Variants in DOCK6 observed in about 807,000 individuals in gnomAD.
DOCK6 encodes dedicator of cytokinesis 6, also known as dedicator of cytokinesis protein 6.
Under a neutral mutation model 230.3 loss-of-function variants are expected in DOCK6, and 167 were observed. That is an observed-to-expected ratio of 0.73 (90% confidence interval 0.64 to 0.82). DOCK6 has a LOEUF of 0.82. DOCK6 is among the 40% of genes least tolerant of loss of function. DOCK6 has a pLI of 0.00. For synonymous variants in DOCK6, 1,148 were observed against 1,185.0 expected (o/e 0.97, Z 0.64); for missense variants, 2,598 against 2,825.8 (o/e 0.92, Z 1.83).
In DOCK6 at chr19:11,228,970, G is replaced by A. The variant is rs2079719012; in HGVS notation, c.2784C>T (p.Leu928=). The A allele has an allele frequency of 6.2e-7, 1 of 1,613,732 alleles. No individual in the cohort carries two copies. The highest frequency in any genetic ancestry group is 1.1e-5 in the South Asian group (1 of 91,076). The change falls in exon 23 of 48, where the codon CTC becomes CTT. Residue 928 remains leucine, a synonymous_variant. Transcript: ENST00000294618. ...GCTGGAAGAAGAACCAGGCGTGCTGGAGGATGGCCTCGCGTACGGCACTGC... is the reference window on the plus strand; with the variant it reads ...GCTGGAAGAAGAACCAGGCGTGCTGAAGGATGGCCTCGCGTACGGCACTGC... The part of the protein sequence containing the change: ...VSSSAVREAI[L]QHAWFFFQLM...
In DOCK6 at chr19:11,235,756, T is replaced by TTCAC; in HGVS notation, c.2393-1_2395dup (p.Asn799SerfsTer9). 6.3e-7 allele frequency: 1 copy of TTCAC among 1,588,694 alleles called. No individual in the cohort carries two copies. The highest frequency in any genetic ancestry group is 8.6e-7 in the Non-Finnish European group (1 of 1,166,508). ...TGCTTCAAAGGCTCCACGGCCCAGG[T>TTCAC]TCACTGCAGGGCAGAGCAGAGGTCA... On this transcript the variant is annotated frameshift_variant, in exon 21 of 48. Coordinates refer to ENST00000294618, the MANE Select transcript of DOCK6 (RefSeq NM_020812.4). LOFTEE classifies it high-confidence loss of function.
At chr19:11,219,451 G>A (rs1172250653) in intron 28 of DOCK6, among the ~76,000 whole-genome samples, 2 of 150,944 alleles carry the variant, frequency 1.3e-5, no homozygotes, top group Non-Finnish European at 2.9e-5. Context: ...GCCTCCCAAA[G>A]TGCTGGGACT....
At chr19:11,244,025 T>C (rs2079993954) in intron 9 of DOCK6, 143 bp from the exon 10 acceptor site, 1 of 870,610 alleles carries the variant, frequency 1.1e-6, no homozygotes, top group African/African-American at 1.7e-5. Context: ...CTCCCATGGC[T>C]CCCGCTGTCC....
chr19:11,240,311 C>G, intron 14 of DOCK6: 2 of 1,545,474 alleles, frequency 1.3e-6, no homozygotes, highest in African/African-American at 2.8e-5. Flanking sequence ...GGAGCTCCCC[C>G]AACCCTAGTG....
rs560964864 is a variant in DOCK6 at position 11,235,917 on chromosome 19, G to A, written c.2393-158C>T. On this transcript the variant is annotated intron_variant, in intron 20 of 47. Coordinates refer to ENST00000294618, the MANE Select transcript of DOCK6 (RefSeq NM_020812.4). ...TTTTTTTGAGATGGAGTCTTGCTCT[G>A]TTGCCCGGGCTGGAGTCCAGTGGCA... 2,402 of 988,480 alleles carry A rather than the reference G, an allele frequency of 2.4e-3. 7 individuals carry two copies. Among genetic ancestry groups the A allele is most frequent in the Non-Finnish European group, 2.9e-3 (2,170 of 740,844 alleles). The allele number at this position is 988,480 out of a possible 1,614,324, so 61.2% of individuals were successfully genotyped here.
chr19:11,218,503 A>G (rs2079529454), intron 28 of DOCK6, among the ~76,000 whole-genome samples: 1 of 152,094 alleles, frequency 6.6e-6, no homozygotes, highest in Admixed American at 6.5e-5. Flanking sequence ...GCTGGAGTGC[A>G]GTGGCACAAT....
In DOCK6 at chr19:11,241,501, G is replaced by T. The variant is rs539791974; in HGVS notation, c.1643+544C>A. 3.5e-5 allele frequency: 54 copies of T among 1,552,812 alleles called. No individual in the cohort carries two copies. The East Asian group carries it at 1.2e-3, about 36-fold the overall frequency. On this transcript the variant is annotated intron_variant, in intron 14 of 47. Transcript: ENST00000294618. ...GGGCCCTCACAGGCCACGTGCAGCGGCAGAGGCGGGAGATGGTGGCACAGC... is the reference window on the plus strand; with the variant it reads ...GGGCCCTCACAGGCCACGTGCAGCGTCAGAGGCGGGAGATGGTGGCACAGC...
chr19:11,209,840 C>G (rs1230627572), intron 37 of DOCK6, among the ~76,000 whole-genome samples: 1 of 102,354 alleles, frequency 9.8e-6, no homozygotes, highest in Non-Finnish European at 2.2e-5. Flanking sequence ...CCTGTCCACC[C>G]CCTCACCTGT....
At position 11,243,333 on chromosome 19, in the gene DOCK6, C is replaced by T. The variant is rs747247665; in HGVS notation, c.1311G>A (p.Ala437=). 3.9e-5 allele frequency: 62 copies of T among 1,598,956 alleles called. No homozygotes were observed. Among genetic ancestry groups the T allele is most frequent in the Non-Finnish European group, 5.0e-5 (59 of 1,173,654 alleles). ...DRRRRGPQDR[A]SSGDDACSFS... The stretch of plus-strand genomic sequence containing the variant: ...AGCTGCAGGCGTCGTCCCCACTACT[C>T]GCCCGGTCCTGGGGCCCCCGACGGC... The change falls in exon 12 of 48, where the codon GCG becomes GCA. Residue 437 remains alanine (A), a synonymous_variant. Transcript: ENST00000294618. The surrounding 1 kb of genome is among the most constrained non-coding windows in gnomAD (Gnocchi z 6.3).
Position 11,208,863 on chromosome 19 carries a change from C to T in DOCK6, c.4945-34G>A, listed in dbSNP as rs1401268811. The T allele has an allele frequency of 4.4e-6, 7 of 1,601,124 alleles. No homozygotes were observed. In the South Asian group the frequency reaches 7.7e-5, roughly 18 times the overall value. ...GGAGAGGTGGCGTCAGACCCTGGTC[C>T]CCACTGCACTCGTGCCGTCCGCCAC... On this transcript the variant is annotated intron_variant, in intron 38 of 47. Transcript: ENST00000294618.
intron 24 of DOCK6, among the ~76,000 whole-genome samples, chr19:11,226,615 G>A (rs181254085): frequency 1.1e-4 from 17 of 152,098 alleles, no homozygotes; most frequent in South Asian, 2.1e-4. Flanking sequence ...CCAAGATTGC[G>A]CCATCGCACT....
intron 22 of DOCK6, among the ~76,000 whole-genome samples, chr19:11,231,376 A>T (rs987902633): frequency 2.2e-4 from 30 of 138,000 alleles, no homozygotes; most frequent in African/African-American, 7.7e-4. Context: ...CCCCAAGACC[A>T]CCCAGAGGGA....
chr19:11,253,592 G>C (rs1401033478), intron 2 of DOCK6, 47 bp downstream of exon 2: 4 of 1,252,832 alleles, frequency 3.2e-6, no homozygotes, highest in African/African-American at 1.6e-5. Context: ...CCCTACCTCT[G>C]TCTGAGAGAG....
chr19:11,243,502 C>G lies in DOCK6; in HGVS notation c.1258+55G>C. ...CCTCGCCCCGTAGCCCCGCCCCAGG[C>G]CTGTCAGCACCACCCTTTAGCCCCG... On this transcript the variant is annotated intron_variant, in intron 11 of 47. Transcript: ENST00000294618. This position sits in a 1 kb window ranked among gnomAD's most constrained non-coding sequence, Gnocchi z 6.3. 6.5e-7 allele frequency: 1 copy of G among 1,549,984 alleles called. No homozygotes were observed. The highest frequency in any genetic ancestry group is 8.7e-7 in the Non-Finnish European group (1 of 1,148,626).
At chr19:11,248,180 C>T (rs539152395) in intron 6 of DOCK6, 29 bp from the exon 7 acceptor site, 35 of 624,776 alleles carry the variant, frequency 5.6e-5, no homozygotes, top group South Asian at 3.5e-4. Context: ...GGGAGCTGGG[C>T]GGGAGGAGCT....
intron 1 of DOCK6, among the ~76,000 whole-genome samples, chr19:11,261,401 T>C (rs7248924): frequency 0.23 from 31,922 of 139,682 alleles, 3,658 homozygotes; most frequent in East Asian, 0.43. Context: ...CACTGACAGG[T>C]AATCTACTCG....
intron 35 of DOCK6, among the ~76,000 whole-genome samples, chr19:11,212,565 C>CTTTTT (rs111849239): frequency 3.2e-5 from 1 of 31,492 alleles, no homozygotes. Context: ...TTCTTTCTTT[C>CTTTTT]TTTTTTTTTT....
intron 28 of DOCK6, among the ~76,000 whole-genome samples, chr19:11,219,276 C>A (rs1355165619): frequency 6.7e-6 from 1 of 148,464 alleles, no homozygotes; most frequent in East Asian, 2.0e-4. Flanking sequence ...CTCTGCCTCC[C>A]GGGTTCAAGT....
intron 9 of DOCK6, among the ~76,000 whole-genome samples, chr19:11,245,147 T>A (rs986616424): frequency 4.6e-5 from 7 of 152,200 alleles, no homozygotes; most frequent in African/African-American, 1.2e-4. Flanking sequence ...CTGTGGATAC[T>A]GGATTCATTT....
Sources: allele counts gnomAD v4.1 joint callset (sites outside exome capture counted in the v4.1 genomes callset), GRCh38; gene constraint gnomAD v4.1.1; non-coding constraint Gnocchi (gnomAD v3.1); transcripts MANE v1.5; gene names NCBI Gene and HGNC (gene_info 2026-07-23, HGNC 2026-07-21).